Variants in ZNF236 observed in about 807,000 individuals in gnomAD.
ZNF236 encodes the protein zinc finger protein 236.
In ZNF236, 50 loss-of-function variants were observed where a neutral mutation model predicts 191.2. The observed-to-expected ratio is 0.26, with a 90% confidence interval of 0.21 to 0.33. The LOEUF (loss-of-function observed/expected upper bound fraction) is 0.33, where lower values mean the gene tolerates loss of function less well. Ranked by LOEUF, ZNF236 falls within the 10% of genes least tolerant of loss-of-function variation. The pLI, the probability that ZNF236 is intolerant of heterozygous loss-of-function variation, is 1.00. For missense variants in ZNF236, 1,754 were observed against 2,374.5 expected (o/e 0.74, Z 5.43); for synonymous variants, 907 against 928.8 (o/e 0.98, Z 0.43).
At chr18:76,928,718 T>TA (rs1234708015) in intron 25 of ZNF236, among the ~76,000 whole-genome samples, 1 of 152,160 alleles carries the variant, frequency 6.6e-6, no homozygotes, top group Non-Finnish European at 1.5e-5. Context: ...CCTTGGTCCT[T>TA]ACGTATCATT....
At chr18:76,855,133 A>G (rs1455422262) in intron 3 of ZNF236, among the ~76,000 whole-genome samples, 1 of 152,220 alleles carries the variant, frequency 6.6e-6, no homozygotes, top group Non-Finnish European at 1.5e-5. Flanking sequence ...CATGTTGGCC[A>G]GGCTAGTCTT....
intron 13 of ZNF236, among the ~76,000 whole-genome samples, chr18:76,907,789 A>T (rs772352526): frequency 6.7e-5 from 10 of 149,578 alleles, no homozygotes; most frequent in Non-Finnish European, 1.3e-4. Context: ...TGAATGCTGG[A>T]TACACTTTGT....
intron 1 of ZNF236, among the ~76,000 whole-genome samples, chr18:76,827,096 A>G (rs12967567): frequency 0.18 from 28,027 of 151,686 alleles, 2,774 homozygotes; most frequent in East Asian, 0.37. Flanking sequence ...GGGTTTCTCC[A>G]TGTTGGTCAG....
rs574093624 is a variant in ZNF236 at position 76,847,702 on chromosome 18, T to C, written c.56-1824T>C. Among the ~76,000 whole-genome samples, 76 of 152,182 alleles carry C rather than the reference T, an allele frequency of 5.0e-4. 1 individual carries two copies. The highest frequency in any genetic ancestry group is 2.2e-3 in the Admixed American group (34 of 15,284). ...GCCAGGATGGTCTTGATCTCCTGAC[T>C]TCGTGTTCCACCCGCCTTGGCCTCC... On this transcript the variant is annotated intron_variant, in intron 1 of 30. Coordinates refer to ENST00000320610, the MANE Select transcript of ZNF236 (RefSeq NM_001306089.2).
intron 13 of ZNF236, among the ~76,000 whole-genome samples, chr18:76,905,783 A>G (rs1977724771): frequency 6.6e-6 from 1 of 152,240 alleles, no homozygotes; most frequent in Non-Finnish European, 1.5e-5. Context: ...TGTGATTTCT[A>G]GGCCTGTCAT....
intron 20 of ZNF236, among the ~76,000 whole-genome samples, chr18:76,922,023 C>G (rs1245490580): frequency 1.3e-5 from 2 of 152,064 alleles, no homozygotes; most frequent in Non-Finnish European, 2.9e-5. Flanking sequence ...TAGACATATA[C>G]CAATGTTAAG....
At position 76,927,149 on chromosome 18, in the gene ZNF236, C is replaced by T. The variant is rs569857482; in HGVS notation, c.4140C>T (p.Ile1380=). ...GACCAAATGTACAGATTTCTGGAAT[C>T]GATGCTGCCAGCATTAATAACATTA... The part of the protein sequence containing the change: ...LVGPNVQISG[I]DAASINNITL... Residue 1380 remains isoleucine (I), a synonymous_variant, in exon 23 of 31, where the codon ATC becomes ATT. Transcript: ENST00000320610. The surrounding 1 kb of genome is among the most constrained non-coding windows in gnomAD (Gnocchi z 5.4). 48 of 1,614,056 alleles carry T rather than the reference C, an allele frequency of 3.0e-5. No individual in the cohort carries two copies. The highest frequency in any genetic ancestry group is 6.7e-5 in the East Asian group (3 of 44,864).
chr18:76,885,655 G>C (rs1568212450), intron 9 of ZNF236: 1 of 177,826 alleles, frequency 5.6e-6, no homozygotes, highest in Non-Finnish European at 1.2e-5. Flanking sequence ...ATGAACATCT[G>C]TCGTAAAATG....
chr18:76,942,509 T>A (rs954530035), intron 26 of ZNF236, among the ~76,000 whole-genome samples: 34 of 151,980 alleles, frequency 2.2e-4, no homozygotes, highest in Admixed American at 2.0e-3. Flanking sequence ...TTTAATTTTT[T>A]ATTTTTTTAT....
At position 76,959,867 on chromosome 18, in the gene ZNF236, A is replaced by G. The variant is rs755828734; in HGVS notation, c.5242+51A>G. ...TTCCTTACTCTTTGAAGTAGACATC[A>G]TGGGTGAGAAAACATAATTCCACCT... On this transcript the variant is annotated intron_variant, in intron 29 of 30. Coordinates refer to ENST00000320610, the MANE Select transcript of ZNF236 (RefSeq NM_001306089.2). 3.8e-6 allele frequency: 6 copies of G among 1,579,016 alleles called. No individual in the cohort carries two copies. The East Asian group carries it at 1.1e-4, about 30-fold the overall frequency.
chr18:76,920,061 G>A lies in ZNF236; in HGVS notation c.3557+3G>A. 2 of 1,610,834 alleles carry A rather than the reference G, an allele frequency of 1.2e-6. No homozygotes were observed. The highest frequency in any genetic ancestry group is 2.7e-5 in the African/African-American group (2 of 74,956). ...AAGAAACCTAGCGACCTGGTGAGGT[G>A]AGGGCATGGCTACGCCGCGCGGGTT... On this transcript the variant is annotated splice_donor_region_variant and intron_variant, in intron 20 of 30. Transcript: ENST00000320610.
At chr18:76,959,313 A>C (rs973754225) in intron 28 of ZNF236, among the ~76,000 whole-genome samples, 17 of 152,200 alleles carry the variant, frequency 1.1e-4, no homozygotes, top group African/African-American at 4.1e-4. Context: ...TGAAACGGGG[A>C]CAGGATCCCC....
chr18:76,950,127 G>A (rs762973453), intron 27 of ZNF236, among the ~76,000 whole-genome samples: 17 of 152,122 alleles, frequency 1.1e-4, no homozygotes, highest in Middle Eastern at 3.2e-3. Flanking sequence ...GTTGAAGTTT[G>A]GGGTGGCCGT....
At chr18:76,956,635 A>C (rs771505364) in intron 28 of ZNF236, among the ~76,000 whole-genome samples, 3 of 152,096 alleles carry the variant, frequency 2.0e-5, no homozygotes, top group Admixed American at 6.6e-5. Flanking sequence ...CAGCCTCCCA[A>C]GGTTTAGCTG....
intron 1 of ZNF236, chr18:76,824,244 G>T (rs1974953605): frequency 2.6e-6 from 2 of 772,226 alleles, no homozygotes; most frequent in South Asian, 1.3e-5. Flanking sequence ...CTTATTCATA[G>T]GCCACACCAA....
chr18:76,837,949 T>C (rs1975383688), intron 1 of ZNF236, among the ~76,000 whole-genome samples: 1 of 152,230 alleles, frequency 6.6e-6, no homozygotes, highest in South Asian at 2.1e-4. Flanking sequence ...TTAAAATGGA[T>C]AGATAGCCAT....
intron 26 of ZNF236, among the ~76,000 whole-genome samples, chr18:76,946,939 TAC>T (rs1306044104): frequency 1.3e-5 from 2 of 152,236 alleles, no homozygotes; most frequent in African/African-American, 4.8e-5. Flanking sequence ...TCAGTGTATT[TAC>T]AGAGTTGTAC....
In ZNF236 at chr18:76,943,033, G is replaced by A. The variant is rs1247950727; in HGVS notation, c.4783-4488G>A. ...AGCTACTTGGGAGGCTGAGGCAGGA[G>A]AATGGCGTGAACCCGGGAAGTGGAG... is the stretch of plus-strand genomic sequence containing the variant. On this transcript the variant is annotated intron_variant, in intron 26 of 30. Coordinates refer to ENST00000320610, the MANE Select transcript of ZNF236 (RefSeq NM_001306089.2). Among the ~76,000 whole-genome samples, 4 of 145,662 alleles carry A rather than the reference G, an allele frequency of 2.7e-5. No individual in the cohort carries two copies. The East Asian group carries it at 8.3e-4, about 30-fold the overall frequency.
chr18:76,889,510 T>C (rs191959877), intron 9 of ZNF236, among the ~76,000 whole-genome samples: 112 of 152,258 alleles, frequency 7.4e-4, no homozygotes, highest in African/African-American at 2.6e-3. Flanking sequence ...AAAACTGCAC[T>C]TAGGCGCTAG....
Sources: gnomAD v4.1 joint callset for allele counts (sites outside exome capture counted in the v4.1 genomes callset) on GRCh38, gnomAD v4.1.1 for gene constraint, Gnocchi (gnomAD v3.1) non-coding constraint, MANE v1.5 for transcripts, NCBI Gene and HGNC (gene_info 2026-07-23, HGNC 2026-07-21) for gene names.